MARCHF6: variants seen among roughly 807,000 people sequenced by gnomAD.
MARCHF6 encodes E3 ubiquitin-protein ligase MARCHF6.
Under a neutral mutation model 133.7 loss-of-function variants are expected in MARCHF6, and 31 were observed. The ratio of observed to expected loss-of-function variants is 0.23; its 90% CI spans 0.17 to 0.31. The LOEUF is 0.31. MARCHF6 is among the 10% of genes least tolerant of loss of function. MARCHF6 has a pLI of 1.00. For synonymous variants in MARCHF6, 395 were observed against 402.5 expected, an observed-to-expected ratio of 0.98 and a Z score of 0.22; for missense variants, 723 against 1,121.6, an observed-to-expected ratio of 0.64 and a Z score of 5.08.
chr5:10,363,694 A>C (rs1397687574), intron 1 of MARCHF6, among the ~76,000 whole-genome samples: 1 of 152,242 alleles, frequency 6.6e-6, no homozygotes, highest in Non-Finnish European at 1.5e-5. Flanking sequence ...TATAATAGCC[A>C]AATAGAAACA....
At chr5:10,403,190 T>C (rs1738650961) in intron 14 of MARCHF6, among the ~76,000 whole-genome samples, 1 of 152,220 alleles carries the variant, frequency 6.6e-6, no homozygotes, top group Non-Finnish European at 1.5e-5. Context: ...TCAGTATTAA[T>C]AAAGCTTTTA....
chr5:10,372,845 TATCTC>T (rs1296670060), intron 1 of MARCHF6, among the ~76,000 whole-genome samples: 1 of 152,140 alleles, frequency 6.6e-6, no homozygotes, highest in Non-Finnish European at 1.5e-5. Context: ...TTCATTCTAT[TATCTC>T]ATGTAGCCTC....
At chr5:10,394,022 T>C in intron 7 of MARCHF6, 60 bp from the exon 8 acceptor site, 2 of 1,064,292 alleles carry the variant, frequency 1.9e-6, no homozygotes, top group South Asian at 2.0e-5. Context: ...TGCATTCTAT[T>C]TTTTTTATTA....
Position 10,394,734 on chromosome 5 carries a change from T to C in MARCHF6, c.829-19T>C, listed in dbSNP as rs1198132744. 5 of 1,571,474 alleles carry C rather than the reference T, an allele frequency of 3.2e-6. No individual in the cohort carries two copies. The highest frequency in any genetic ancestry group is 2.7e-5 in the African/African-American group (2 of 73,196). Reference sequence around the variant, plus strand: ...CTGTTGCATCTTAAATTAATGCTTATCGTTTTTGTTTATTTTAGATGCTAG... The same window carrying C: ...CTGTTGCATCTTAAATTAATGCTTACCGTTTTTGTTTATTTTAGATGCTAG... On this transcript the variant is annotated intron_variant, in intron 8 of 25. Coordinates refer to ENST00000274140, the MANE Select transcript of MARCHF6 (RefSeq NM_005885.4).
chr5:10,390,940 A>G (rs373338626), intron 6 of MARCHF6, among the ~76,000 whole-genome samples: 1 of 152,122 alleles, frequency 6.6e-6, no homozygotes, highest in East Asian at 1.9e-4. Flanking sequence ...TTTGTTAACC[A>G]TTTTCTATAA....
At chr5:10,374,643 T>G (rs1736665581) in intron 1 of MARCHF6, among the ~76,000 whole-genome samples, 1 of 152,154 alleles carries the variant, frequency 6.6e-6, no homozygotes, top group Non-Finnish European at 1.5e-5. Flanking sequence ...AGTGAAAGTT[T>G]TTGCCAAGGA....
At chr5:10,369,359 A>G (rs1181114764) in intron 1 of MARCHF6, among the ~76,000 whole-genome samples, 1 of 152,172 alleles carries the variant, frequency 6.6e-6, no homozygotes, top group East Asian at 1.9e-4. Context: ...GTACACTTCA[A>G]TCTACAATTT....
intron 15 of MARCHF6, among the ~76,000 whole-genome samples, chr5:10,404,076 T>C (rs13158471): frequency 0.11 from 15,548 of 135,450 alleles, 198 homozygotes; most frequent in Non-Finnish European, 0.16. Context: ...TATTTATTTA[T>C]TTACTTATTT....
chr5:10,397,732 C>G (rs1223999428), intron 10 of MARCHF6, among the ~76,000 whole-genome samples: 1 of 152,200 alleles, frequency 6.6e-6, no homozygotes, highest in Non-Finnish European at 1.5e-5. Flanking sequence ...TTCTAGAGAT[C>G]TTGACTTGGG....
intron 1 of MARCHF6, among the ~76,000 whole-genome samples, chr5:10,373,357 C>A (rs1047720246): frequency 1.1e-4 from 17 of 152,132 alleles, no homozygotes; most frequent in Admixed American, 2.6e-4. Flanking sequence ...CTGTCCTGTT[C>A]CACCATTCGC....
chr5:10,422,328 C>G (rs1017752094), intron 22 of MARCHF6, among the ~76,000 whole-genome samples: 60 of 152,036 alleles, frequency 3.9e-4, no homozygotes, highest in African/African-American at 3.6e-4. Context: ...AGCATTGATA[C>G]AAAAACAGGA....
intron 9 of MARCHF6, among the ~76,000 whole-genome samples, chr5:10,395,067 G>A (rs1354139845): frequency 6.6e-6 from 1 of 152,130 alleles, no homozygotes; most frequent in African/African-American, 2.4e-5. Context: ...CCCAAGTGCT[G>A]GGATTACAGG....
chr5:10,433,007 GTTC>G (rs1344951739), intron 25 of MARCHF6, among the ~76,000 whole-genome samples: 1 of 150,270 alleles, frequency 6.7e-6, no homozygotes, highest in Non-Finnish European at 1.5e-5. Flanking sequence ...GGTTTCAGCA[GTTC>G]TTCTGCCTCA....
intron 1 of MARCHF6, among the ~76,000 whole-genome samples, chr5:10,361,648 G>T (rs947781906): frequency 6.6e-6 from 1 of 152,164 alleles, no homozygotes; most frequent in Non-Finnish European, 1.5e-5. Context: ...GCTTCAACAC[G>T]TGAATTACGG....
chr5:10,371,551 A>G (rs531888914), intron 1 of MARCHF6, among the ~76,000 whole-genome samples: 1 of 152,326 alleles, frequency 6.6e-6, no homozygotes, highest in East Asian at 1.9e-4. Flanking sequence ...TTTTCAAACC[A>G]TCAGATCTCA....
chr5:10,379,056 T>A (rs760713916), intron 3 of MARCHF6, among the ~76,000 whole-genome samples: 17 of 135,750 alleles, frequency 1.3e-4, no homozygotes, highest in Admixed American at 2.3e-4. Flanking sequence ...TGTTTGAGAT[T>A]TGTGGGGTGT....
chr5:10,354,581 A>T (rs768759098), intron 1 of MARCHF6: 1 of 152,352 alleles, frequency 6.6e-6, no homozygotes, highest in East Asian at 1.9e-4. Flanking sequence ...ATACGGTTAC[A>T]TTGAACAAAC....
chr5:10,438,242 A>G lies in MARCHF6; in HGVS notation c.*4558A>G, dbSNP rs536013977. On this transcript the variant is annotated 3_prime_UTR_variant, in exon 26 of 26. Coordinates refer to ENST00000274140, the MANE Select transcript of MARCHF6 (RefSeq NM_005885.4). ...GTACATACCTGACCATATGTCCCAG[A>G]TAAAAAGGAAAGACTTGCGTGATGT... 3 of 152,344 alleles carry G rather than the reference A, an allele frequency of 2.0e-5. No individual in the cohort carries two copies. Among genetic ancestry groups the G allele is most frequent in the South Asian group, 2.1e-4 (1 of 4,830 alleles). The allele number at this position is 152,344 out of a possible 1,614,324, so 9.4% of individuals were successfully genotyped here.
At chr5:10,433,468 C>A in intron 25 of MARCHF6, 126 bp from the exon 26 acceptor site, 1 of 689,234 alleles carries the variant, frequency 1.5e-6, no homozygotes, top group Non-Finnish European at 2.6e-6. Flanking sequence ...GGTGTTCACT[C>A]GGGACTCCCT....
Sources: allele counts gnomAD v4.1 joint callset (sites outside exome capture counted in the v4.1 genomes callset), GRCh38; gene constraint gnomAD v4.1.1; transcripts MANE v1.5; gene names NCBI Gene and HGNC (gene_info 2026-07-23, HGNC 2026-07-21).